Variants in JAG1 observed in about 807,000 individuals in gnomAD.
JAG1 encodes the protein jagged canonical Notch ligand 1, also known as protein jagged-1.
A neutral mutation model predicts 148.7 loss-of-function variants in JAG1; 23 were observed. The observed-to-expected ratio is 0.15, with a 90% confidence interval of 0.11 to 0.22. The LOEUF (loss-of-function observed/expected upper bound fraction) is 0.22, where lower values mean the gene tolerates loss of function less well. JAG1 is among the 10% of genes least tolerant of loss of function. The pLI is 1.00. For missense variants in JAG1, 1,054 were observed against 1,611.2 expected (o/e 0.65, Z 5.92); for synonymous variants, 572 against 598.3 (o/e 0.96, Z 0.64).
intron 2 of JAG1, among the ~76,000 whole-genome samples, chr20:10,666,876 C>T (rs1353192830): frequency 1.3e-5 from 2 of 152,214 alleles, no homozygotes; most frequent in African/African-American, 4.8e-5. Context: ...CCCAAGGCAT[C>T]CAAGGGCCAC....
rs73898808 is a variant in JAG1 at position 10,663,159 on chromosome 20, C to T, written c.439+804G>A. ...GAGAACAGAGAGCCAAGACAAGAAG[C>T]TGGATCCACTCTTCCTCATGCACAG... On this transcript the variant is annotated intron_variant, in intron 3 of 25. Transcript: ENST00000254958. Among the ~76,000 whole-genome samples the T allele has an allele frequency of 6.1e-3, 934 of 152,260 alleles. 9 individuals are homozygous for T. Among genetic ancestry groups the T allele is most frequent in the African/African-American group, 0.021 (875 of 41,526 alleles).
chr20:10,659,193 G>A (rs3790158), intron 3 of JAG1, among the ~76,000 whole-genome samples: 9,523 of 152,306 alleles, frequency 0.063, 484 homozygotes, highest in East Asian at 0.22. Context: ...CACTGCCAAC[G>A]TTGTACATTA....
chr20:10,656,191 C>T (rs1373871184), intron 5 of JAG1, among the ~76,000 whole-genome samples: 1 of 152,168 alleles, frequency 6.6e-6, no homozygotes, highest in Non-Finnish European at 1.5e-5. Context: ...CAAAGAGTTT[C>T]TTTTTATTCC....
In JAG1 at chr20:10,645,882, C is replaced by T. The variant is rs1189955671; in HGVS notation, c.1999+89G>A. ...CTGCGGTCTTGCTTCCAGAGATTTC[C>T]AGTACAAAGAAAGTTTTCCCACGTT... On this transcript the variant is annotated intron_variant, in intron 15 of 25. Transcript: ENST00000254958. The surrounding 1 kb of genome is among the most constrained non-coding windows in gnomAD (Gnocchi z 6.1). The T allele has an allele frequency of 1.1e-6, 1 of 909,212 alleles. No individual in the cohort carries two copies. Among genetic ancestry groups the T allele is most frequent in the Non-Finnish European group, 1.9e-6 (1 of 538,890 alleles). The allele number at this position is 909,212 out of a possible 1,614,324, so 56.3% of individuals were successfully genotyped here.
chr20:10,652,956 G>A (rs538203533), intron 5 of JAG1, among the ~76,000 whole-genome samples: 38 of 152,120 alleles, frequency 2.5e-4, no homozygotes, highest in African/African-American at 6.5e-4. Context: ...GGACTCTCTC[G>A]GTGACAAGAG....
At chr20:10,665,244 C>T (rs79854387) in intron 2 of JAG1, among the ~76,000 whole-genome samples, 11,138 of 152,210 alleles carry the variant, frequency 0.073, 524 homozygotes, top group Non-Finnish European at 0.11. Context: ...GCCAGCTTAG[C>T]GCTCTCAGAG....
In JAG1 at chr20:10,673,051, T is replaced by A; in HGVS notation, c.82-45A>T. 1 of 1,577,004 alleles carries A rather than the reference T, an allele frequency of 6.3e-7. No individual in the cohort carries two copies. The highest frequency in any genetic ancestry group is 1.1e-5 in the South Asian group (1 of 90,380). ...GTAGGTCAGCGCGGGAGAAAGCTGT[T>A]TTCTTCGAGTATAGAGGTGGCGACT... On this transcript the variant is annotated intron_variant, in intron 1 of 25. Coordinates refer to ENST00000254958, the MANE Select transcript of JAG1 (RefSeq NM_000214.3). This position sits in a 1 kb window ranked among gnomAD's most constrained non-coding sequence, Gnocchi z 4.7.
intron 2 of JAG1, among the ~76,000 whole-genome samples, chr20:10,665,329 T>A (rs2067446236): frequency 6.6e-6 from 1 of 152,202 alleles, no homozygotes; most frequent in African/African-American, 2.4e-5. Context: ...CGAAATATGT[T>A]TCATACTCAA....
chr20:10,647,096 G>A lies in JAG1; in HGVS notation c.1728C>T (p.Asp576=), dbSNP rs756487397. Residue 576 remains aspartate, a synonymous_variant, in exon 14 of 26, where the codon GAC becomes GAT. Coordinates refer to ENST00000254958, the MANE Select transcript of JAG1 (RefSeq NM_000214.3). ...TGGAAGCCATGGCCACTGTGCAGCT[G>A]TCAATCACTAGAAGATAGGCTTGGG... ...HCRTTPCEVI[D]SCTVAMASND... 4.3e-6 allele frequency: 7 copies of A among 1,614,216 alleles called. No individual in the cohort carries two copies. The highest frequency in any genetic ancestry group is 5.9e-6 in the Non-Finnish European group (7 of 1,180,022).
Position 10,643,915 on chromosome 20 carries a change from G to T in JAG1, c.2373-52C>A. 4 of 1,370,612 alleles carry T rather than the reference G, an allele frequency of 2.9e-6. 1 individual carries two copies. Among genetic ancestry groups the T allele is most frequent in the Non-Finnish European group, 4.1e-6 (4 of 964,254 alleles). 84.9% of individuals were successfully genotyped at this position (1,370,612 alleles called of 1,614,324 possible). ...ACCAACCTCCCAGTCCATTACTCTG[G>T]CTGCCAATCACTCACATGTCACCAC... On this transcript the variant is annotated intron_variant, in intron 19 of 25. Coordinates refer to ENST00000254958, the MANE Select transcript of JAG1 (RefSeq NM_000214.3).
chr20:10,672,920 G>A lies in JAG1; in HGVS notation c.168C>T (p.Gly56=), dbSNP rs2067507565. 1.2e-6 allele frequency: 2 copies of A among 1,613,060 alleles called. No individual in the cohort carries two copies. The highest frequency in any genetic ancestry group is 1.7e-6 in the Non-Finnish European group (2 of 1,180,020). The change falls in exon 2 of 26, where the codon GGC becomes GGT. Residue 56 remains glycine, a synonymous_variant. Coordinates refer to ENST00000254958, the MANE Select transcript of JAG1 (RefSeq NM_000214.3). ...TGCGGTCTCCCGGGTTCCGGGCGCC[G>A]CCGCAGCAGTTCCCGTTCTGCAGCT... ...NGELQNGNCC[G]GARNPGDRKC...
intron 5 of JAG1, among the ~76,000 whole-genome samples, chr20:10,655,343 G>A (rs1174416696): frequency 1.3e-5 from 2 of 152,176 alleles, no homozygotes; most frequent in Admixed American, 1.3e-4. Context: ...ATGTGGGACG[G>A]AGCCCACGAA....
chr20:10,669,046 C>A (rs894746616), intron 2 of JAG1, among the ~76,000 whole-genome samples: 4 of 151,096 alleles, frequency 2.6e-5, no homozygotes, highest in African/African-American at 7.3e-5. Context: ...AAATTAGAAA[C>A]CAAGTACCTG....
chr20:10,646,284 G>T, intron 14 of JAG1, 200 bp from the exon 15 acceptor site: 1 of 597,500 alleles, frequency 1.7e-6, no homozygotes, highest in Admixed American at 2.5e-5. Flanking sequence ...CCCACTTAAT[G>T]CCCTCACATG....
In JAG1 at chr20:10,673,165, G is replaced by A. The variant is rs1413923286; in HGVS notation, c.82-159C>T. ...TTCAAGGACTCAACATGATTCCGGG[G>A]CAAAAAAAAAAAAAAATGCACGAGT... On this transcript the variant is annotated intron_variant, in intron 1 of 25. Coordinates refer to ENST00000254958, the MANE Select transcript of JAG1 (RefSeq NM_000214.3). The surrounding 1 kb of genome is among the most constrained non-coding windows in gnomAD (Gnocchi z 4.7). The A allele has an allele frequency of 2.4e-5, 14 of 585,110 alleles. No individual in the cohort carries two copies. Among genetic ancestry groups the A allele is most frequent in the African/African-American group, 1.2e-4 (5 of 42,062 alleles). 36.2% of individuals were successfully genotyped at this position (585,110 alleles called of 1,614,324 possible).
intron 8 of JAG1, chr20:10,650,703 A>G: frequency 3.1e-6 from 1 of 318,530 alleles, no homozygotes; most frequent in South Asian, 3.1e-5. Context: ...GAAGTAGCTA[A>G]GAAGTCAGGA....
intron 11 of JAG1, 142 bp downstream of exon 11, chr20:10,648,917 CAT>C: frequency 2.2e-6 from 2 of 888,912 alleles, no homozygotes. Context: ...GCTGGGGTAA[CAT>C]AAGCCCTAGC....
At chr20:10,649,431 T>C (rs2067331305) in intron 10 of JAG1, 91 bp downstream of exon 10, 2 of 808,754 alleles carry the variant, frequency 2.5e-6, no homozygotes, top group Admixed American at 2.0e-5. Context: ...TTCCTTCTAC[T>C]GCTCAAGTCC....
intron 19 of JAG1, 48 bp downstream of exon 19, chr20:10,644,309 C>CG: frequency 6.9e-7 from 1 of 1,444,854 alleles, no homozygotes; most frequent in South Asian, 1.1e-5. Flanking sequence ...CACACACACA[C>CG]ACACACGATA....
Sources: allele counts gnomAD v4.1 joint callset (sites outside exome capture counted in the v4.1 genomes callset), GRCh38; gene constraint gnomAD v4.1.1; non-coding constraint Gnocchi (gnomAD v3.1); transcripts MANE v1.5; gene names NCBI Gene and HGNC (gene_info 2026-07-23, HGNC 2026-07-21).